MACF1: variants seen among roughly 807,000 people sequenced by gnomAD.
The protein encoded by MACF1 is microtubule-actin cross-linking factor 1.
In MACF1, 193 loss-of-function variants were observed where a neutral mutation model predicts 854.8. The ratio of observed to expected loss-of-function variants is 0.23; its 90% CI spans 0.20 to 0.25. MACF1 has a LOEUF of 0.25. Ranked by LOEUF, MACF1 falls within the 10% of genes least tolerant of loss-of-function variation. The pLI is 1.00. For synonymous variants in MACF1, 3,185 were observed against 3,226.7 expected, an observed-to-expected ratio of 0.99 and a Z score of 0.44; for missense variants, 7,722 against 8,929.1, an observed-to-expected ratio of 0.86 and a Z score of 5.45.
chr1:39,314,493 T>A (rs577397018), intron 26 of MACF1, among the ~76,000 whole-genome samples: 7 of 151,606 alleles, frequency 4.6e-5, no homozygotes, highest in Admixed American at 2.6e-4. Flanking sequence ...CACATATACA[T>A]GTACGTAAGT....
chr1:39,218,603 T>C (rs990632058), intron 1 of MACF1, among the ~76,000 whole-genome samples: 4 of 152,208 alleles, frequency 2.6e-5, no homozygotes, highest in Admixed American at 2.6e-4. Flanking sequence ...ATTGAGCTTT[T>C]CTTCCTCTTG....
chr1:39,365,745 G>A (rs1233638931), intron 49 of MACF1, among the ~76,000 whole-genome samples: 1 of 149,948 alleles, frequency 6.7e-6, no homozygotes, highest in Non-Finnish European at 1.5e-5. Context: ...GCATGATCTT[G>A]GCTCACTGCA....
intron 1 of MACF1, among the ~76,000 whole-genome samples, chr1:39,217,853 AGCCTGGGTGATAGAGCAAGACCCT>A (rs1644595933): frequency 6.8e-6 from 1 of 146,448 alleles, no homozygotes; most frequent in Non-Finnish European, 1.5e-5. Context: ...GATCCACTCC[AGCCTGGGTGATAGAGCAAGACCCT>A]GTCTCAAAAA....
chr1:39,246,434 C>T (rs1435309899), intron 2 of MACF1, among the ~76,000 whole-genome samples: 2 of 152,120 alleles, frequency 1.3e-5, no homozygotes, highest in African/African-American at 2.4e-5. Context: ...TTATGACCTG[C>T]CTATTTCTGT....
intron 61 of MACF1, 60 bp from the exon 62 acceptor site, chr1:39,427,395 C>A: frequency 1.4e-6 from 2 of 1,444,362 alleles, no homozygotes; most frequent in Non-Finnish European, 1.9e-6. Context: ...GAGTATAGTA[C>A]TATTACCAGT....
At chr1:39,342,352 C>T (rs971514644) in intron 40 of MACF1, among the ~76,000 whole-genome samples, 3 of 151,956 alleles carry the variant, frequency 2.0e-5, no homozygotes, top group African/African-American at 7.3e-5. Context: ...TAGTGCTGTA[C>T]TGAACATACA....
chr1:39,301,556 G>A (rs1281460179), intron 22 of MACF1, among the ~76,000 whole-genome samples: 1 of 151,792 alleles, frequency 6.6e-6, no homozygotes, highest in Non-Finnish European at 1.5e-5. Context: ...CTCCCAAGTA[G>A]CAGGGACTAC....
intron 36 of MACF1, 122 bp downstream of exon 36, chr1:39,327,475 C>T (rs1646637425): frequency 2.0e-6 from 2 of 1,023,812 alleles, no homozygotes; most frequent in East Asian, 5.2e-5. Flanking sequence ...AATTTTTAAC[C>T]TCACCTTAGC....
intron 1 of MACF1, among the ~76,000 whole-genome samples, chr1:39,227,944 G>A (rs1644734782): frequency 6.6e-6 from 1 of 152,092 alleles, no homozygotes; most frequent in Non-Finnish European, 1.5e-5. Context: ...ACCCAGGTAG[G>A]CTTAACCTCT....
chr1:39,133,871 A>G (rs1643084275), intron 2 of MACF1, among the ~76,000 whole-genome samples: 1 of 152,100 alleles, frequency 6.6e-6, no homozygotes, highest in Admixed American at 6.6e-5. Flanking sequence ...AAGTCCAGAA[A>G]AATTCTTACA....
intron 58 of MACF1, among the ~76,000 whole-genome samples, chr1:39,407,889 A>T (rs1295133544): frequency 2.0e-5 from 3 of 152,210 alleles, no homozygotes; most frequent in South Asian, 4.1e-4. Flanking sequence ...GAGAATGGCC[A>T]TCACAAATAG....
chr1:39,376,396 C>A (rs911830591), intron 52 of MACF1, among the ~76,000 whole-genome samples: 9 of 152,230 alleles, frequency 5.9e-5, no homozygotes, highest in Admixed American at 3.3e-4. Flanking sequence ...CAGTTCCTTA[C>A]ATTTATCTAG....
At chr1:39,388,872 C>CTTTTTTTTTTTTTTTTTTTTTTTTT (rs548104092) in intron 58 of MACF1, among the ~76,000 whole-genome samples, 7 of 87,242 alleles carry the variant, frequency 8.0e-5, no homozygotes, top group Non-Finnish European at 1.1e-4. Context: ...TCTTCTTCTT[C>CTTTTTTTTTTTTTTTTTTTTTTTTT]TTTTTTTTTT....
At chr1:39,316,233 C>T (rs1426168281) in intron 27 of MACF1, among the ~76,000 whole-genome samples, 158 bp from the exon 28 acceptor site, 1 of 152,150 alleles carries the variant, frequency 6.6e-6, no homozygotes, top group African/African-American at 2.4e-5. Context: ...GCATAAAAAC[C>T]ACATTTACTT....
At chr1:39,281,435 T>G (rs1645543677) in intron 6 of MACF1, among the ~76,000 whole-genome samples, 1 of 148,318 alleles carries the variant, frequency 6.7e-6, no homozygotes, top group South Asian at 2.1e-4. Flanking sequence ...GTTTATATTC[T>G]TTTTCTTAAA....
chr1:39,439,139 T>G (rs1328419756), intron 71 of MACF1, 135 bp from the exon 72 acceptor site: 1 of 529,100 alleles, frequency 1.9e-6, no homozygotes, highest in East Asian at 2.9e-5. Context: ...AAAATTATCC[T>G]TTAGTTATAA....
intron 84 of MACF1, among the ~76,000 whole-genome samples, chr1:39,449,421 CAG>C (rs1164349807): frequency 6.6e-6 from 1 of 152,112 alleles, no homozygotes; most frequent in South Asian, 2.1e-4. Context: ...TTGTTTGAGA[CAG>C]AGTCTCACTC....
At position 39,084,287 on chromosome 1, in the gene MACF1, G is replaced by A. The variant is rs749854934; in HGVS notation, c.69G>A (p.Glu23=). The A allele has an allele frequency of 6.2e-7, 1 of 1,614,042 alleles. No individual in the cohort carries two copies. The highest frequency in any genetic ancestry group is 8.5e-7 in the Non-Finnish European group (1 of 1,180,002). Residue 23 remains glutamate, a synonymous_variant, in exon 2 of 94, where the codon GAG becomes GAA. Transcript: ENST00000361689. This position sits in a 1 kb window ranked among gnomAD's most constrained non-coding sequence, Gnocchi z 5.2. ...GGAGTGAGCGGTCTTGTCGGAGTGAGCGATCTTACAGGAGCGAGCGGTCGG... is the reference window on the plus strand; with the variant it reads ...GGAGTGAGCGGTCTTGTCGGAGTGAACGATCTTACAGGAGCGAGCGGTCGG...
chr1:39,435,617 C>T lies in MACF1; in HGVS notation c.17844C>T (p.Gly5948=). 1 of 1,614,022 alleles carries T rather than the reference C, an allele frequency of 6.2e-7. No individual in the cohort carries two copies. The highest frequency in any genetic ancestry group is 8.5e-7 in the Non-Finnish European group (1 of 1,179,984). The part of the protein sequence containing the change: ...KPHIDKLLKI[G]PQLKELNPEE... ...ATATTGACAAACTACTAAAGATAGG[C>T]CCACAACTAAAGGAATTAAACCCTG... The change falls in exon 70 of 101, where the codon GGC becomes GGT. Residue 5948 remains glycine, a synonymous_variant. Coordinates refer to ENST00000564288, the MANE Select transcript of MACF1 (RefSeq NM_001394062.1).
Sources: gnomAD v4.1 joint callset for allele counts (sites outside exome capture counted in the v4.1 genomes callset) on GRCh38, gnomAD v4.1.1 for gene constraint, Gnocchi (gnomAD v3.1) non-coding constraint, MANE v1.5 for transcripts, NCBI Gene and HGNC (gene_info 2026-07-23, HGNC 2026-07-21) for gene names.